Variants in ZNF425 observed in about 807,000 individuals in gnomAD.
The protein encoded by ZNF425 is zinc finger protein 425.
ZNF425 carries 21 observed loss-of-function variants against 17.0 expected under a neutral mutation model. That is an observed-to-expected ratio of 1.23 (90% confidence interval 0.88 to 1.78). ZNF425 has a LOEUF of 1.78. Among genes scored for constraint, ZNF425 ranks in the 40% most tolerant of loss-of-function variants. ZNF425 has a pLI of 0.00. For synonymous variants in ZNF425, 433 were observed against 384.1 expected (o/e 1.13, Z -1.49); for missense variants, 868 against 967.3 (o/e 0.90, Z 1.36).
rs1476562659 is a variant in ZNF425 at position 149,105,434 on chromosome 7, G to GT, written c.436_437insA (p.Pro146HisfsTer11). 6.4e-7 allele frequency: 1 copy of GT among 1,555,784 alleles called. No homozygotes were observed. The highest frequency in any genetic ancestry group is 2.2e-5 in the East Asian group (1 of 44,500). ...TAGAATCTCTGTTTCTCGGAGACTT[G>GT]GAGACTGGAAGGTGGCTGTTTGAGC... is the stretch of plus-strand genomic sequence containing the variant. On this transcript the variant is annotated frameshift_variant, in exon 4 of 4. Coordinates refer to ENST00000378061, the MANE Select transcript of ZNF425 (RefSeq NM_001001661.3). LOFTEE classifies it low-confidence loss of function (END_TRUNC).
At chr7:149,108,121 C>T (rs891238022) in intron 3 of ZNF425, among the ~76,000 whole-genome samples, 1 of 152,048 alleles carries the variant, frequency 6.6e-6, no homozygotes, top group African/African-American at 2.4e-5. Context: ...ATCTTCCTGC[C>T]TCAGCCTCAC....
chr7:149,118,407 T>A (rs1263483049), intron 1 of ZNF425, 59 bp from the exon 2 acceptor site: 10 of 1,580,892 alleles, frequency 6.3e-6, no homozygotes, highest in Non-Finnish European at 7.8e-6. Flanking sequence ...TGTTTTTCAA[T>A]GTCCATTACT....
Position 149,118,236 on chromosome 7 carries a change from G to GTCTCGTAATTGGTCT in ZNF425, c.116_130dup (p.Lys39_Glu43dup). On this transcript the variant is annotated inframe_insertion, in exon 2 of 4. Coordinates refer to ENST00000378061, the MANE Select transcript of ZNF425 (RefSeq NM_001001661.3). ...GCTCATCTTACCCAGGGAATCAAGG[G>GTCTCGTAATTGGTCT]TCTCGTAATTGGTCTTCATCTCTTG... The GTCTCGTAATTGGTCT allele has an allele frequency of 6.2e-7, 1 of 1,614,008 alleles. No individual in the cohort carries two copies. Among genetic ancestry groups the GTCTCGTAATTGGTCT allele is most frequent in the Non-Finnish European group, 8.5e-7 (1 of 1,180,002 alleles).
chr7:149,116,071 C>T (rs1026642131), intron 2 of ZNF425, among the ~76,000 whole-genome samples: 1 of 152,212 alleles, frequency 6.6e-6, no homozygotes, highest in South Asian at 2.1e-4. Flanking sequence ...CAGCTCTCAT[C>T]TGTCCCACCC....
At chr7:149,119,342 G>A (rs1826315509) in intron 1 of ZNF425, among the ~76,000 whole-genome samples, 1 of 152,068 alleles carries the variant, frequency 6.6e-6, no homozygotes, top group Non-Finnish European at 1.5e-5. Flanking sequence ...TTAGCTGGGT[G>A]TGGTGGCACG....
At chr7:149,119,725 G>A (rs1416230100) in intron 1 of ZNF425, among the ~76,000 whole-genome samples, 1 of 152,030 alleles carries the variant, frequency 6.6e-6, no homozygotes, top group African/African-American at 2.4e-5. Context: ...ACCAGCCTGA[G>A]CAACATAGCA....
At chr7:149,125,167 A>T (rs1382422797) in intron 1 of ZNF425, among the ~76,000 whole-genome samples, 1 of 152,182 alleles carries the variant, frequency 6.6e-6, no homozygotes, top group Non-Finnish European at 1.5e-5. Context: ...GGGGAAAAGG[A>T]GTGGGAAGCA....
intron 2 of ZNF425, 49 bp from the exon 3 acceptor site, chr7:149,112,344 A>AT (rs763011067): frequency 6.4e-6 from 10 of 1,563,146 alleles, no homozygotes; most frequent in Admixed American, 3.6e-5. Flanking sequence ...TACTTAAATA[A>AT]TTTTTTTGGC....
intron 1 of ZNF425, chr7:149,125,617 C>T (rs1024366425): frequency 6.1e-6 from 1 of 164,232 alleles, no homozygotes; most frequent in African/African-American, 2.4e-5. Flanking sequence ...TTGATCTGAG[C>T]CTACAACAGG....
In ZNF425 at chr7:149,105,445, G is replaced by T; in HGVS notation, c.426C>A (p.Thr142=). Residue 142 remains threonine (T), a synonymous_variant, in exon 4 of 4, where the codon ACC becomes ACA. Coordinates refer to ENST00000378061, the MANE Select transcript of ZNF425 (RefSeq NM_001001661.3). The part of the protein sequence containing the change: ...ERKILLAQTA[T]FQSPSLRETE... ...TTTCTCGGAGACTTGGAGACTGGAA[G>T]GTGGCTGTTTGAGCTAATAAAATCT... The T allele has an allele frequency of 6.5e-7, 1 of 1,543,834 alleles. No homozygotes were observed. The highest frequency in any genetic ancestry group is 8.7e-7 in the Non-Finnish European group (1 of 1,150,776).
Position 149,104,024 on chromosome 7 carries a change from T to C in ZNF425, c.1847A>G (p.Glu616Gly), listed in dbSNP as rs201304461. The C allele has an allele frequency of 7.4e-6, 12 of 1,613,764 alleles. No homozygotes were observed. In the East Asian group the frequency reaches 2.7e-4, roughly 36 times the overall value. ...GEKPYQCPEC[E>G]KTFRLKGNLK... ...GTTTCCCTTGAGGCGGAAAGTCTTC[T>C]CGCATTCAGGACACTGGTAGGGCTT... is the stretch of plus-strand genomic sequence containing the variant. Residue 616 changes from glutamate (E) to glycine (G), a missense_variant, in exon 4 of 4, where the codon GAG becomes GGG. Coordinates refer to ENST00000378061, the MANE Select transcript of ZNF425 (RefSeq NM_001001661.3). This position sits in a 1 kb window ranked among gnomAD's most constrained non-coding sequence, Gnocchi z 4.3.
intron 2 of ZNF425, among the ~76,000 whole-genome samples, chr7:149,115,895 C>T (rs943396520): frequency 2.0e-5 from 3 of 152,148 alleles, no homozygotes; most frequent in Non-Finnish European, 4.4e-5. Context: ...GGCCTGAGCC[C>T]GAACCTGCTA....
chr7:149,111,646 G>A (rs1826179631), intron 3 of ZNF425, among the ~76,000 whole-genome samples: 1 of 140,676 alleles, frequency 7.1e-6, no homozygotes, highest in Non-Finnish European at 1.5e-5. Flanking sequence ...AAAACTTTCT[G>A]TATGAGAGTA....
At chr7:149,112,032 A>C in intron 3 of ZNF425, 105 bp downstream of exon 3, 1 of 1,250,780 alleles carries the variant, frequency 8.0e-7, no homozygotes, top group Non-Finnish European at 1.1e-6. Context: ...CCATCAAAAC[A>C]ACTTTTTTTA....
chr7:149,118,181 G>A (rs978066886), intron 2 of ZNF425, 41 bp downstream of exon 2: 1 of 1,613,004 alleles, frequency 6.2e-7, no homozygotes, highest in Non-Finnish European at 8.5e-7. Flanking sequence ...GGTACTATTA[G>A]GTTGGTTCCT....
rs202083188 is a variant in ZNF425 at position 149,104,413 on chromosome 7, G to T, written c.1458C>A (p.Ala486=). Residue 486 remains alanine (A), a synonymous_variant, in exon 4 of 4, where the codon GCC becomes GCA. Transcript: ENST00000378061. The surrounding 1 kb of genome is among the most constrained non-coding windows in gnomAD (Gnocchi z 4.3). ...GKRFTRPSKL[A]CHTRVHDRQK... is the part of the protein sequence containing the mutation. ...GCCTGTCGTGGACTCTGGTGTGGCA[G>T]GCGAGCTTGGAAGGCCGCGTGAAGC... 457 of 1,603,668 alleles carry T rather than the reference G, an allele frequency of 2.8e-4. 6 individuals carry two copies. The South Asian group carries it at 4.8e-3, about 17-fold the overall frequency.
At position 149,103,287 on chromosome 7, in the gene ZNF425, G is replaced by T. The variant is rs971793122; in HGVS notation, c.*325C>A. On this transcript the variant is annotated 3_prime_UTR_variant, in exon 4 of 4. Transcript: ENST00000378061. The stretch of plus-strand genomic sequence containing the variant: ...GCTGGAGTGCAGTGGTGTGAGCATG[G>T]CTCACTGCAGCCTCTGCCTCCTGGG... 1.5e-4 allele frequency: 41 copies of T among 276,960 alleles called. No homozygotes were observed. Among genetic ancestry groups the T allele is most frequent in the Admixed American group, 4.8e-4 (10 of 20,656 alleles). 17.2% of individuals were successfully genotyped at this position (276,960 alleles called of 1,614,324 possible). A position where few individuals can be genotyped will look rare whatever the true frequency, so the allele number is the denominator to read the frequency against.
intron 1 of ZNF425, among the ~76,000 whole-genome samples, chr7:149,120,240 G>C (rs1032381880): frequency 6.6e-6 from 1 of 152,082 alleles, no homozygotes; most frequent in Non-Finnish European, 1.5e-5. Context: ...AAGTTAGCCG[G>C]GCATTGTGGC....
chr7:149,115,805 T>C (rs1826256790), intron 2 of ZNF425, among the ~76,000 whole-genome samples: 1 of 151,846 alleles, frequency 6.6e-6, no homozygotes, highest in African/African-American at 2.4e-5. Context: ...AGCCCTCAGA[T>C]CAAGGCTTCA....
Sources: gnomAD v4.1 joint callset for allele counts (sites outside exome capture counted in the v4.1 genomes callset) on GRCh38, gnomAD v4.1.1 for gene constraint, Gnocchi (gnomAD v3.1) non-coding constraint, MANE v1.5 for transcripts, NCBI Gene and HGNC (gene_info 2026-07-23, HGNC 2026-07-21) for gene names.